Variants in SERPINB8 observed in about 807,000 individuals in gnomAD.
SERPINB8 encodes serpin family B member 8, also known as serpin B8.
In SERPINB8, 25 loss-of-function variants were observed where a neutral mutation model predicts 35.3. The ratio of observed to expected loss-of-function variants is 0.71; its 90% CI spans 0.52 to 0.99. SERPINB8 has a LOEUF of 0.99. Ranked by LOEUF, SERPINB8 falls within the 50% of genes least tolerant of loss-of-function variation. The pLI is 0.00. For missense variants in SERPINB8, 484 were observed against 446.5 expected (o/e 1.08, Z -0.76); for synonymous variants, 186 against 160.8 (o/e 1.16, Z -1.19).
At chr18:63,997,503 C>T (rs1020125354) in intron 1 of SERPINB8, among the ~76,000 whole-genome samples, 4 of 152,228 alleles carry the variant, frequency 2.6e-5, no homozygotes, top group African/African-American at 7.2e-5. Flanking sequence ...CTGGGCCACA[C>T]ATAAGCCTGG....
At chr18:63,993,015 T>A (rs1194487594), downstream of SERPINB8, among the ~76,000 whole-genome samples, 9 of 152,182 alleles carry the variant, frequency 5.9e-5, no homozygotes, top group Non-Finnish European at 1.2e-4. Context: ...CAGTGTGAGT[T>A]TACCCACATC....
In SERPINB8 at chr18:63,987,071, G is replaced by T. The variant is rs769870269; in HGVS notation, c.918G>T (p.Lys306Asn). Residue 306 changes from lysine (K) to asparagine (N), a missense_variant, in exon 7 of 7, where the codon AAG (lysine) becomes AAT (asparagine). Transcript: ENST00000397985. The part of the protein sequence containing the change: ...KADFSGMSTE[K>N]NVPLSKVAHK... ...ACTTTTCTGGAATGTCAACTGAGAA[G>T]AATGTGCCTCTGTCCAAGGTTGCCC... 1.5e-5 allele frequency: 24 copies of T among 1,614,102 alleles called. No homozygotes were observed. The highest frequency in any genetic ancestry group is 1.9e-5 in the Non-Finnish European group (23 of 1,180,058).
At chr18:63,982,850 A>G (rs1394704024) in intron 4 of SERPINB8, among the ~76,000 whole-genome samples, 2 of 151,894 alleles carry the variant, frequency 1.3e-5, no homozygotes, top group African/African-American at 4.8e-5. Flanking sequence ...GGGACCTTGG[A>G]GATGACCTTG....
At chr18:63,991,433 T>A (rs1393000101), downstream of SERPINB8, among the ~76,000 whole-genome samples, 1 of 152,210 alleles carries the variant, frequency 6.6e-6, no homozygotes, top group African/African-American at 2.4e-5. Context: ...TGGCACAAAT[T>A]TTGTCAGATT....
rs894241681 is a variant in SERPINB8 at position 63,985,099 on chromosome 18, A to C, written c.574A>C (p.Lys192Gln). 6 of 1,612,848 alleles carry C rather than the reference A, an allele frequency of 3.7e-6. No individual in the cohort carries two copies. The highest frequency in any genetic ancestry group is 5.1e-6 in the Non-Finnish European group (6 of 1,179,544). The change falls in exon 6 of 7, where the codon AAG (lysine) becomes CAG (glutamine). Residue 192 changes from lysine to glutamine, a missense_variant. Physicochemically the swap from Lys to Gln is moderately conservative, Grantham distance 53. Transcript: ENST00000397985. ...GMLFKTNEEKKTVQMMFKEAK... is the reference protein window; with the variant it reads ...GMLFKTNEEKQTVQMMFKEAK... Reference sequence around the variant, plus strand: ...ACTTTAATTTTTCCGTTAGGAAAAAAAGACAGTGCAGATGATGTTTAAGGA... The same window carrying C: ...ACTTTAATTTTTCCGTTAGGAAAAACAGACAGTGCAGATGATGTTTAAGGA...
rs148826394 is a variant in SERPINB8, at chr18:64,011,544, G to A, written c.*2+6664G>A. 5.3e-5 allele frequency among the ~76,000 whole-genome samples: 8 copies of A among 152,230 alleles called. 2 individuals are homozygous for A. Among genetic ancestry groups the A allele is most frequent in the African/African-American group, 1.9e-4 (8 of 41,570 alleles). On this transcript the variant is annotated intron_variant, in intron 7 of 7. Transcript: ENST00000636430. ...ATGCTTCTGAAATTAAGATCTTGATGTAATTATCAGTGTCCATACAAGTGT... is the reference window on the plus strand; with the variant it reads ...ATGCTTCTGAAATTAAGATCTTGATATAATTATCAGTGTCCATACAAGTGT...
intron 5 of SERPINB8, 63 bp from the exon 6 acceptor site, chr18:63,985,030 T>G: frequency 1.3e-6 from 2 of 1,539,860 alleles, no homozygotes; most frequent in Non-Finnish European, 1.8e-6. Flanking sequence ...GTGAGTTAGA[T>G]ATATCCTATT....
downstream of SERPINB8, among the ~76,000 whole-genome samples, chr18:64,009,229 C>T (rs1314398842): frequency 6.6e-6 from 1 of 152,150 alleles, no homozygotes; most frequent in African/African-American, 2.4e-5. Context: ...TCATGTCATT[C>T]ATAGAAAGAC....
chr18:64,000,557 G>A (rs1293641255), intron 1 of SERPINB8, among the ~76,000 whole-genome samples: 5 of 152,232 alleles, frequency 3.3e-5, no homozygotes, highest in Non-Finnish European at 5.9e-5. Context: ...CACCATCAAA[G>A]GCTTAGGACC....
downstream of SERPINB8, among the ~76,000 whole-genome samples, chr18:64,007,358 C>A (rs1343235911): frequency 6.6e-6 from 1 of 152,032 alleles, no homozygotes; most frequent in African/African-American, 2.4e-5. Flanking sequence ...GAGAAAACAC[C>A]AGTTTCAGAT....
At position 63,987,169 on chromosome 18, in the gene SERPINB8, G is replaced by C. The variant is rs752346772; in HGVS notation, c.1016G>C (p.Arg339Pro). The change falls in exon 7 of 7, where the codon CGG becomes CCG. Residue 339 changes from arginine (R) to proline (P), a missense_variant. Coordinates refer to ENST00000397985, the MANE Select transcript of SERPINB8 (RefSeq NM_002640.4). ...AAATAVVRNS[R>P]CSRMEPRFCA... ...GCCACTGCTGTGGTCAGGAATTCCC[G>C]GTGCAGCAGAATGGAGCCAAGATTC... 4 of 1,614,142 alleles carry C rather than the reference G, an allele frequency of 2.5e-6. No homozygotes were observed. The East Asian group carries it at 8.9e-5, about 36-fold the overall frequency.
chr18:63,982,301 GT>G (rs2050685040), intron 4 of SERPINB8, among the ~76,000 whole-genome samples: 1 of 152,154 alleles, frequency 6.6e-6, no homozygotes, highest in South Asian at 2.1e-4. Context: ...TGCTCTCAGA[GT>G]GTGGCCTTTT....
At chr18:63,984,698 C>T (rs933363476) in intron 5 of SERPINB8, among the ~76,000 whole-genome samples, 2 of 152,146 alleles carry the variant, frequency 1.3e-5, no homozygotes, top group Non-Finnish European at 2.9e-5. Flanking sequence ...GAGTTTGGAC[C>T]GTACATCTTT....
At chr18:63,986,564 T>A in intron 6 of SERPINB8, 10 of 1,318,308 alleles carry the variant, frequency 7.6e-6, no homozygotes, top group Non-Finnish European at 9.6e-6. Flanking sequence ...AATGAATTGG[T>A]TAGAATTTTC....
chr18:63,983,563 C>A lies in SERPINB8; in HGVS notation c.425-16C>A. ...ATTTCCCCACAAATTGCAATAAACT[C>A]TCATATTCTTTATAGGTAAGATTTC... is the stretch of plus-strand genomic sequence containing the variant. On this transcript the variant is annotated splice_polypyrimidine_tract_variant and intron_variant, in intron 4 of 6. Transcript: ENST00000397985. The A allele has an allele frequency of 6.2e-7, 1 of 1,612,408 alleles. No homozygotes were observed. The highest frequency in any genetic ancestry group is 1.3e-5 in the African/African-American group (1 of 74,976).
At chr18:63,989,900 G>GCCAC (rs1307715244), downstream of SERPINB8, among the ~76,000 whole-genome samples, 2 of 108,460 alleles carry the variant, frequency 1.8e-5, no homozygotes, top group East Asian at 6.2e-4. Context: ...CCGAGATCCC[G>GCCAC]CCACTGCACT....
At chr18:64,013,979 G>A (rs2050938011) in intron 7 of SERPINB8, among the ~76,000 whole-genome samples, 1 of 152,180 alleles carries the variant, frequency 6.6e-6, no homozygotes, top group South Asian at 2.1e-4. Context: ...CATAATTCAT[G>A]CTATTGGCAC....
chr18:64,004,926 C>T (rs1274782108), exon 2 of SERPINB8: 4 of 398,132 alleles, frequency 1.0e-5, no homozygotes, highest in Non-Finnish European at 1.8e-5. Flanking sequence ...GGATATTCTA[C>T]CAAATAATTG....
At chr18:63,986,593 T>C in intron 6 of SERPINB8, 2 of 1,310,026 alleles carry the variant, frequency 1.5e-6, no homozygotes, top group Non-Finnish European at 9.7e-7. Context: ...TAAAAAATGT[T>C]TTTAACATTT....
Sources: allele counts gnomAD v4.1 joint callset (sites outside exome capture counted in the v4.1 genomes callset), GRCh38; gene constraint gnomAD v4.1.1; transcripts MANE v1.5; gene names NCBI Gene and HGNC (gene_info 2026-07-23, HGNC 2026-07-21).